TMEM232: variants seen among roughly 807,000 people sequenced by gnomAD.
TMEM232 encodes the protein transmembrane protein 232.
A neutral mutation model predicts 78.8 loss-of-function variants in TMEM232; 80 were observed. That is an observed-to-expected ratio of 1.01 (90% confidence interval 0.85 to 1.22). The LOEUF (loss-of-function observed/expected upper bound fraction) is 1.22, where lower values mean the gene tolerates loss of function less well. Ranked by LOEUF, TMEM232 falls within the 50% of genes most tolerant of loss-of-function variation. The pLI is 0.00. For missense variants in TMEM232, 881 were observed against 742.2 expected, an observed-to-expected ratio of 1.19 and a Z score of -2.17; for synonymous variants, 297 against 254.3, an observed-to-expected ratio of 1.17 and a Z score of -1.60.
chr5:110,682,524 C>G (rs575278811), intron 1 of TMEM232, among the ~76,000 whole-genome samples: 4 of 152,070 alleles, frequency 2.6e-5, no homozygotes, highest in Non-Finnish European at 5.9e-5. Context: ...TTACCACTTC[C>G]CAGGGGTAAA....
At chr5:110,394,329 A>G (rs1755310358) in intron 3 of TMEM232, among the ~76,000 whole-genome samples, 1 of 152,216 alleles carries the variant, frequency 6.6e-6, no homozygotes, top group Admixed American at 6.5e-5. Flanking sequence ...TATATGCACC[A>G]AGTTTCCTTT....
At chr5:110,618,100 G>A in intron 8 of TMEM232, 1 of 239,580 alleles carries the variant, frequency 4.2e-6, no homozygotes. Context: ...AATATATTGT[G>A]TTTCACTGCT....
chr5:110,499,918 CA>C (rs1175830659), intron 12 of TMEM232, among the ~76,000 whole-genome samples: 1 of 152,150 alleles, frequency 6.6e-6, no homozygotes, highest in Non-Finnish European at 1.5e-5. Flanking sequence ...GAACAACACA[CA>C]AAACTGCAGA....
At chr5:110,697,771 T>G (rs552193645) in intron 1 of TMEM232, among the ~76,000 whole-genome samples, 1 of 152,128 alleles carries the variant, frequency 6.6e-6, no homozygotes, top group Non-Finnish European at 1.5e-5. Flanking sequence ...CCAGTTAAAA[T>G]GGCGATCATT....
chr5:110,603,623 C>G (rs937405397), intron 10 of TMEM232, among the ~76,000 whole-genome samples: 3 of 152,084 alleles, frequency 2.0e-5, no homozygotes, highest in Non-Finnish European at 4.4e-5. Context: ...TTCTGAATAA[C>G]TAAGATTGTG....
intron 8 of TMEM232, among the ~76,000 whole-genome samples, chr5:110,608,753 G>A (rs188098699): frequency 6.6e-6 from 1 of 152,006 alleles, no homozygotes; most frequent in Non-Finnish European, 1.5e-5. Context: ...ACTGGAGTTT[G>A]TCGAAAACAA....
At chr5:110,514,371 ATTAT>A (rs200936258) in intron 12 of TMEM232, among the ~76,000 whole-genome samples, 291 of 150,914 alleles carry the variant, frequency 1.9e-3, no homozygotes, top group African/African-American at 7.0e-3. Context: ...CCTTCCACTT[ATTAT>A]TTATCACAAT....
chr5:110,732,228 T>A (rs983239984), intron 2 of TMEM232, among the ~76,000 whole-genome samples: 1 of 152,222 alleles, frequency 6.6e-6, no homozygotes. Flanking sequence ...CACTGACAAG[T>A]CTCTAAGAGG....
intron 1 of TMEM232, among the ~76,000 whole-genome samples, chr5:110,696,342 T>A (rs2150248901): frequency 6.6e-6 from 1 of 152,230 alleles, no homozygotes; most frequent in Admixed American, 6.5e-5. Flanking sequence ...CCACAGCCAA[T>A]ATCATACTGA....
At chr5:110,575,512 A>T (rs1777471575) in intron 10 of TMEM232, among the ~76,000 whole-genome samples, 1 of 152,034 alleles carries the variant, frequency 6.6e-6, no homozygotes, top group Non-Finnish European at 1.5e-5. Context: ...AAAAATAATT[A>T]TTGTGGCCAA....
intron 1 of TMEM232, among the ~76,000 whole-genome samples, chr5:110,675,477 G>T (rs371693159): frequency 6.6e-6 from 1 of 152,082 alleles, no homozygotes; most frequent in African/African-American, 2.4e-5. Context: ...GCCAAATAAC[G>T]ACAAAGACGA....
At chr5:110,708,278 T>G (rs1267170754) in intron 1 of TMEM232, among the ~76,000 whole-genome samples, 1 of 152,130 alleles carries the variant, frequency 6.6e-6, no homozygotes, top group Non-Finnish European at 1.5e-5. Context: ...AAAAAAGACT[T>G]TCCAAGGCAA....
chr5:110,710,261 A>G (rs1388178306), intron 1 of TMEM232, among the ~76,000 whole-genome samples: 2 of 152,116 alleles, frequency 1.3e-5, no homozygotes, highest in Non-Finnish European at 2.9e-5. Flanking sequence ...TATCAAATCC[A>G]TAATAAAATG....
chr5:110,660,594 C>T (rs1246012054), intron 2 of TMEM232, among the ~76,000 whole-genome samples: 1 of 151,984 alleles, frequency 6.6e-6, no homozygotes, highest in Non-Finnish European at 1.5e-5. Context: ...AATTATAAAA[C>T]ACGTAAGGTA....
At chr5:110,545,778 A>T (rs1381214193) in intron 11 of TMEM232, among the ~76,000 whole-genome samples, 1 of 152,134 alleles carries the variant, frequency 6.6e-6, no homozygotes, top group Non-Finnish European at 1.5e-5. Context: ...ATAAATTCAC[A>T]TATTCATTTT....
intron 10 of TMEM232, among the ~76,000 whole-genome samples, chr5:110,596,375 G>A (rs1780170276): frequency 6.6e-6 from 1 of 152,132 alleles, no homozygotes; most frequent in South Asian, 2.1e-4. Flanking sequence ...ATAATCAATA[G>A]CTTACCAACC....
intron 1 of TMEM232, among the ~76,000 whole-genome samples, chr5:110,673,634 G>T (rs1000542453): frequency 6.6e-6 from 1 of 152,112 alleles, no homozygotes; most frequent in African/African-American, 2.4e-5. Context: ...GCCTGTGTGG[G>T]GATTATGAGG....
At position 110,671,432 on chromosome 5, in the gene TMEM232, T is replaced by C. The variant is rs568773919; in HGVS notation, c.-12-4068A>G. ...CAAAGGATTATAAATCATTCTACTA[T>C]AAAGACACATGCACACGTATGTTTA... is the stretch of plus-strand genomic sequence containing the variant. On this transcript the variant is annotated intron_variant, in intron 1 of 13. Transcript: ENST00000455884. Among the ~76,000 whole-genome samples, 13 of 152,238 alleles carry C rather than the reference T, an allele frequency of 8.5e-5. No individual in the cohort carries two copies. The East Asian group carries it at 2.5e-3, about 29-fold the overall frequency.
At chr5:110,685,279 T>C (rs1386756864) in intron 1 of TMEM232, among the ~76,000 whole-genome samples, 2 of 151,930 alleles carry the variant, frequency 1.3e-5, no homozygotes, top group Non-Finnish European at 2.9e-5. Flanking sequence ...AAAAATTAAT[T>C]AGCCAACATT....
Sources: gnomAD v4.1 joint callset for allele counts (sites outside exome capture counted in the v4.1 genomes callset) on GRCh38, gnomAD v4.1.1 for gene constraint, MANE v1.5 for transcripts, NCBI Gene and HGNC (gene_info 2026-07-23, HGNC 2026-07-21) for gene names.